The following NTRK2 variants were observed in gnomAD, a reference collection of about 807,000 sequenced individuals.
NTRK2 encodes the protein BDNF/NT-3 growth factors receptor.
A neutral mutation model predicts 94.5 loss-of-function variants in NTRK2; 13 were observed. That is an observed-to-expected ratio of 0.14 (90% confidence interval 0.09 to 0.22). The LOEUF (loss-of-function observed/expected upper bound fraction) is 0.22. NTRK2 is among the 10% of genes least tolerant of loss of function. The probability of loss-of-function intolerance (pLI) is 1.00; values close to 1 mark genes in which losing one functional copy is unlikely to be tolerated. For synonymous variants in NTRK2, 372 were observed against 407.4 expected (o/e 0.91, Z 1.05); for missense variants, 639 against 1,071.2 (o/e 0.60, Z 5.63).
At chr9:84,853,378 C>G (rs902999724) in intron 12 of NTRK2, among the ~76,000 whole-genome samples, 1 of 152,172 alleles carries the variant, frequency 6.6e-6, no homozygotes, top group Non-Finnish European at 1.5e-5. Flanking sequence ...ACATTCTAGT[C>G]CAGCTCTTTA....
At chr9:84,965,583 T>A (rs1825460954) in intron 17 of NTRK2, among the ~76,000 whole-genome samples, 1 of 152,174 alleles carries the variant, frequency 6.6e-6, no homozygotes, top group Admixed American at 6.5e-5. Flanking sequence ...ATGTTATAAA[T>A]ACAATTAGAT....
At position 84,874,680 on chromosome 9, in the gene NTRK2, T is replaced by C. The variant is rs569224150; in HGVS notation, c.1633+7249T>C. The stretch of plus-strand genomic sequence containing the variant: ...CCTGGTTGCCACATAAAGGAATCTC[T>C]CTCCTTGGACTCAGCCCCTAACTGG... On this transcript the variant is annotated intron_variant, in intron 14 of 18. Coordinates refer to ENST00000277120, the MANE Select transcript of NTRK2 (RefSeq NM_006180.6). The C allele has an allele frequency of 2.8e-6, 3 of 1,062,158 alleles. No homozygotes were observed. In the East Asian group the frequency reaches 1.5e-4, roughly 54 times the overall value. The allele number at this position is 1,062,158 out of a possible 1,614,324, so 65.8% of individuals were successfully genotyped here.
intron 14 of NTRK2, among the ~76,000 whole-genome samples, chr9:84,897,752 T>C (rs2132360648): frequency 6.6e-6 from 1 of 152,356 alleles, no homozygotes; most frequent in South Asian, 2.1e-4. Context: ...CTCTGCCTGG[T>C]CGTGCATGTG....
At chr9:84,772,042 C>T (rs1211010925) in intron 12 of NTRK2, among the ~76,000 whole-genome samples, 5 of 152,236 alleles carry the variant, frequency 3.3e-5, no homozygotes, top group African/African-American at 1.2e-4. Flanking sequence ...TGTGACTCAA[C>T]CTCTCTAAAT....
At chr9:84,676,601 C>T (rs765107742) in intron 2 of NTRK2, among the ~76,000 whole-genome samples, 5 of 152,140 alleles carry the variant, frequency 3.3e-5, no homozygotes, top group South Asian at 2.1e-4. Context: ...TGCCGAAGGC[C>T]GACTCATTAA....
chr9:84,873,507 C>T, intron 14 of NTRK2: 9 of 1,059,284 alleles, frequency 8.5e-6, no homozygotes, highest in Non-Finnish European at 1.0e-5. Flanking sequence ...GCCACGGCCC[C>T]CCCATTGCTA....
chr9:85,021,557 C>T lies in NTRK2; in HGVS notation c.*120C>T, dbSNP rs2118029763. 1 of 963,402 alleles carries T rather than the reference C, an allele frequency of 1.0e-6. No homozygotes were observed. The allele number at this position is 963,402 out of a possible 1,614,324, so 59.7% of individuals were successfully genotyped here. Reference sequence around the variant, plus strand: ...CTCTCCTTCACTCTGACAGTATTAACATCAAAGACTCCGAGAAGCTCTCGA... The same window carrying T: ...CTCTCCTTCACTCTGACAGTATTAATATCAAAGACTCCGAGAAGCTCTCGA... On this transcript the variant is annotated 3_prime_UTR_variant, in exon 19 of 19. Transcript: ENST00000277120.
intron 2 of NTRK2, among the ~76,000 whole-genome samples, chr9:84,683,479 T>G (rs1019496743): frequency 7.2e-5 from 11 of 152,218 alleles, no homozygotes; most frequent in Non-Finnish European, 2.9e-5. Flanking sequence ...CTGAGAATGA[T>G]GGCTTCCAGC....
intron 17 of NTRK2, among the ~76,000 whole-genome samples, chr9:84,982,422 A>C (rs1827742676): frequency 6.6e-6 from 1 of 152,186 alleles, no homozygotes; most frequent in Non-Finnish European, 1.5e-5. Context: ...GGTCACCTGA[A>C]TCCTGGTCCA....
chr9:84,841,206 T>C (rs143820372), intron 12 of NTRK2, among the ~76,000 whole-genome samples: 94 of 152,222 alleles, frequency 6.2e-4, no homozygotes, highest in Non-Finnish European at 6.3e-4. Flanking sequence ...TAGGCTCGTA[T>C]GCCACCTATC....
chr9:84,861,038 A>G lies in NTRK2; in HGVS notation c.1397-2A>G. 3.7e-6 allele frequency: 6 copies of G among 1,613,164 alleles called. No homozygotes were observed. The highest frequency in any genetic ancestry group is 5.1e-6 in the Non-Finnish European group (6 of 1,179,496). ...TATTTTATGTTTTGTTGTGGTTTTCAGATTTCTCATGGTTTGGATTTGGGA... is the reference window on the plus strand; with the variant it reads ...TATTTTATGTTTTGTTGTGGTTTTCGGATTTCTCATGGTTTGGATTTGGGA... On this transcript the variant is annotated splice_acceptor_variant, in intron 12 of 18. Transcript: ENST00000277120. LOFTEE classifies it high-confidence loss of function.
At chr9:84,795,058 G>C (rs1444197515) in intron 12 of NTRK2, among the ~76,000 whole-genome samples, 1 of 152,160 alleles carries the variant, frequency 6.6e-6, no homozygotes, top group Non-Finnish European at 1.5e-5. Context: ...GTCCACGACA[G>C]AGAGCTTCAT....
At chr9:84,822,978 C>G (rs1463240240) in intron 12 of NTRK2, among the ~76,000 whole-genome samples, 2 of 152,158 alleles carry the variant, frequency 1.3e-5, no homozygotes, top group Admixed American at 6.6e-5. Context: ...AATGACCAAC[C>G]TACACCCTGG....
chr9:84,931,406 CAA>C (rs10559170), intron 14 of NTRK2, among the ~76,000 whole-genome samples: 1,390 of 125,920 alleles, frequency 0.011, 22 homozygotes, highest in African/African-American at 0.039. Flanking sequence ...GACTCTGTCT[CAA>C]AAAAAAAAAG....
At position 84,710,753 on chromosome 9, in the gene NTRK2, A is replaced by G. The variant is rs1156459668; in HGVS notation, c.545A>G (p.Lys182Arg). ...QDLYCLNESSKNIPLANLQIP... is the reference protein window; with the variant it reads ...QDLYCLNESSRNIPLANLQIP... ...TTGTACTGCCTGAATGAAAGCAGCA[A>G]GAATATTCCCCTGGCAAACCTGCAG... Residue 182 changes from lysine (K) to arginine (R), a missense_variant, in exon 6 of 19, where the codon AAG becomes AGG. Lys to Arg is a conservative substitution (Grantham distance 26). This residue lies in a region of NTRK2 where 206 missense variants were observed against 251.5 expected (regional missense o/e 0.82). Transcript: ENST00000277120. 6.2e-7 allele frequency: 1 copy of G among 1,614,198 alleles called. No individual in the cohort carries two copies. The highest frequency in any genetic ancestry group is 1.3e-5 in the African/African-American group (1 of 75,060).
chr9:84,927,933 G>A (rs1257211836), intron 14 of NTRK2, among the ~76,000 whole-genome samples: 2 of 152,100 alleles, frequency 1.3e-5, no homozygotes, highest in Non-Finnish European at 2.9e-5. Flanking sequence ...AATTAACTGA[G>A]GTGTCATCTG....
intron 18 of NTRK2, 62 bp from the exon 19 acceptor site, chr9:85,021,190 G>C (rs2117991056): frequency 6.8e-7 from 1 of 1,475,934 alleles, no homozygotes; most frequent in Non-Finnish European, 9.4e-7. Flanking sequence ...TTTTTGCACT[G>C]ACATTTCTTC....
chr9:84,852,832 A>AT (rs2074848236), intron 12 of NTRK2, among the ~76,000 whole-genome samples: 1 of 152,222 alleles, frequency 6.6e-6, no homozygotes, highest in Non-Finnish European at 1.5e-5. Context: ...GGCAAGTCTA[A>AT]TTTCATCTAT....
chr9:84,811,291 C>T (rs2071755856), intron 12 of NTRK2: 1 of 1,064,696 alleles, frequency 9.4e-7, no homozygotes, highest in Admixed American at 5.4e-5. Context: ...CAAAACAAAA[C>T]AAAACAAACA....
Sources: allele counts gnomAD v4.1 joint callset (sites outside exome capture counted in the v4.1 genomes callset), GRCh38; gene constraint gnomAD v4.1.1; regional missense constraint gnomAD v4.1.1; transcripts MANE v1.5; gene names NCBI Gene and HGNC (gene_info 2026-07-23, HGNC 2026-07-21).